DECR2: variants seen among roughly 807,000 people sequenced by gnomAD.
DECR2 encodes peroxisomal 2,4-dienoyl-CoA reductase [(3E)-enoyl-CoA-producing].
In DECR2, 34 loss-of-function variants were observed where a neutral mutation model predicts 29.2. The ratio of observed to expected loss-of-function variants is 1.16; its 90% confidence interval spans 0.89 to 1.55. The LOEUF (loss-of-function observed/expected upper bound fraction) is 1.55, where lower values mean the gene tolerates loss of function less well. Ranked by LOEUF, DECR2 falls within the 40% of genes most tolerant of loss-of-function variation. The pLI is 0.00. For synonymous variants in DECR2, 224 were observed against 182.7 expected (o/e 1.23, Z -1.82); for missense variants, 485 against 425.3 (o/e 1.14, Z -1.23).
chr16:409,503 T>A (rs1181745652), intron 4 of DECR2: 1 of 152,218 alleles, frequency 6.6e-6, no homozygotes, highest in South Asian at 2.1e-4. Context: ...TTTAGGTTTA[T>A]AGAATAATTA....
rs892342917 is a variant in DECR2, at chr16:401,929, C to T, written c.-35C>T. 20 of 1,473,026 alleles carry T rather than the reference C, an allele frequency of 1.4e-5. No homozygotes were observed. Among genetic ancestry groups the T allele is most frequent in the Middle Eastern group, 2.2e-4 (1 of 4,474 alleles). 91.2% of individuals were successfully genotyped at this position (1,473,026 alleles called of 1,614,324 possible). On this transcript the variant is annotated 5_prime_UTR_variant, in exon 1 of 9. Transcript: ENST00000219481. The stretch of plus-strand genomic sequence containing the variant: ...GGGTCCTGGAGGCCGAGGCCGCTCC[C>T]GCCCGTTGTCCCCGCAGTCCCCGAC...
intron 3 of DECR2, chr16:406,731 C>T: frequency 3.3e-6 from 2 of 608,162 alleles, no homozygotes; most frequent in South Asian, 1.9e-5. Context: ...AATTCCTGAC[C>T]TCAGGTGATC....
At position 411,349 on chromosome 16, in the gene DECR2, G is replaced by A. The variant is rs1484391359; in HGVS notation, c.662-12G>A. The A allele has an allele frequency of 4.4e-6, 7 of 1,599,808 alleles. No homozygotes were observed. Among genetic ancestry groups the A allele is most frequent in the African/African-American group, 1.3e-5 (1 of 74,824 alleles). On this transcript the variant is annotated splice_polypyrimidine_tract_variant and intron_variant, in intron 7 of 8. Transcript: ENST00000219481. ...GGGGCTCACGGGGCCTGAGCCTTCT[G>A]CTGCCCTCCAGGTGGCCCTCAGGCC... is the stretch of plus-strand genomic sequence containing the variant.
Position 410,014 on chromosome 16 carries a change from G to A in DECR2, c.338-229G>A. ...TTTCCAAACAAGGCCACAGTCGCAG[G>A]TACGGAGCCAGGGCTTCAGCATGTC... On this transcript the variant is annotated intron_variant, in intron 4 of 8. Transcript: ENST00000219481. The surrounding 1 kb of genome is among the most constrained non-coding windows in gnomAD (Gnocchi z 4.1). The A allele has an allele frequency of 3.5e-6, 2 of 567,510 alleles. No homozygotes were observed. The highest frequency in any genetic ancestry group is 6.1e-6 in the Non-Finnish European group (2 of 326,112). The allele number at this position is 567,510 out of a possible 1,614,324, so 35.2% of individuals were successfully genotyped here.
Position 410,991 on chromosome 16 carries a change from G to C in DECR2, c.576G>C (p.Leu192Phe), listed in dbSNP as rs1157480931. The change falls in exon 7 of 9, where the codon TTG becomes TTC. Residue 192 changes from leucine (L) to phenylalanine (F), a missense_variant. Coordinates refer to ENST00000219481, the MANE Select transcript of DECR2 (RefSeq NM_020664.4). This position sits in a 1 kb window ranked among gnomAD's most constrained non-coding sequence, Gnocchi z 4.1. ...GTGCAGACGCGATGACGCGGCACTT[G>C]GCTGTGGAGTGGGGTCCCCAAAACA... Reference protein sequence around the residue: ...KAAVDAMTRHLAVEWGPQNIR... With the variant: ...KAAVDAMTRHFAVEWGPQNIR... 1.9e-6 allele frequency: 3 copies of C among 1,602,718 alleles called. No individual in the cohort carries two copies. Among genetic ancestry groups the C allele is most frequent in the East Asian group, 4.5e-5 (2 of 44,392 alleles).
Position 407,434 on chromosome 16 carries a change from A to T in DECR2, c.211A>T (p.Lys71Ter). 1 of 1,608,346 alleles carries T rather than the reference A, an allele frequency of 6.2e-7. No homozygotes were observed. The highest frequency in any genetic ancestry group is 1.1e-5 in the South Asian group (1 of 90,928). ...SLPRVLTAAR[K>*]LAGATGRRCL... ...TTTACCTGGCTTCTAGGCCGCCAGG[A>T]AGCTGGCTGGGGCCACCGGCCGGCG... The change falls in exon 4 of 9, where the codon AAG becomes TAG. Residue 71 changes from lysine to a stop codon, truncating the protein, a stop_gained. Transcript: ENST00000219481. LOFTEE classifies it high-confidence loss of function.
chr16:402,425 G>A (rs2054678538), intron 1 of DECR2, among the ~76,000 whole-genome samples: 1 of 151,874 alleles, frequency 6.6e-6, no homozygotes, highest in Admixed American at 6.6e-5. Flanking sequence ...GTGAGCCACC[G>A]CGCCCGGCCC....
rs753683419 is a variant in DECR2, at chr16:411,478, T to C, written c.779T>C (p.Val260Ala). ...CTGGCCAGCCCTCTGGCTTCCTACG[T>C]GACGGGGGCCGTGCTGGTGGCCGAT... ...LYLASPLASY[V>A]TGAVLVADGG... The change falls in exon 8 of 9, where the codon GTG becomes GCG. Residue 260 changes from valine (V) to alanine (A), a missense_variant. Val to Ala is a moderately conservative substitution (Grantham distance 64). Coordinates refer to ENST00000219481, the MANE Select transcript of DECR2 (RefSeq NM_020664.4). 6.8e-6 allele frequency: 11 copies of C among 1,613,838 alleles called. No individual in the cohort carries two copies. The South Asian group carries it at 1.2e-4, about 18-fold the overall frequency.
In DECR2 at chr16:411,886, G is replaced by A. The variant is rs1011188036; in HGVS notation, c.*1-4G>A. The stretch of plus-strand genomic sequence containing the variant: ...CCGGCTACTAAGTTCTGAAACTCCT[G>A]CAGGAATCTTCCGGCCGCTGCTTCC... On this transcript the variant is annotated splice_region_variant and splice_polypyrimidine_tract_variant and intron_variant, in intron 8 of 8. Transcript: ENST00000219481. 5.3e-6 allele frequency: 2 copies of A among 376,266 alleles called. No individual in the cohort carries two copies. Among genetic ancestry groups the A allele is most frequent in the Non-Finnish European group, 9.5e-6 (2 of 209,526 alleles). 23.3% of individuals were successfully genotyped at this position (376,266 alleles called of 1,614,324 possible). A position where few individuals can be genotyped will look rare whatever the true frequency, so the allele number is the denominator to read the frequency against.
rs1167868106 is a variant in DECR2, at chr16:410,611, C to T, written c.463-80C>T. On this transcript the variant is annotated intron_variant, in intron 5 of 8. Coordinates refer to ENST00000219481, the MANE Select transcript of DECR2 (RefSeq NM_020664.4). The surrounding 1 kb of genome is among the most constrained non-coding windows in gnomAD (Gnocchi z 4.1). ...CGCCCGCTCCCTGCCCCGGGCCTCCCCCTGACAGCCACCCGCTCACTGTCC... is the reference window on the plus strand; with the variant it reads ...CGCCCGCTCCCTGCCCCGGGCCTCCTCCTGACAGCCACCCGCTCACTGTCC... The T allele has an allele frequency of 9.7e-6, 14 of 1,436,658 alleles. No individual in the cohort carries two copies. The African/African-American group carries it at 2.0e-4, about 20-fold the overall frequency. The allele number at this position is 1,436,658 out of a possible 1,614,324, so 89.0% of individuals were successfully genotyped here. A position where few individuals can be genotyped will look rare whatever the true frequency, so the allele number is the denominator to read the frequency against.
intron 1 of DECR2, 78 bp from the exon 2 acceptor site, chr16:404,878 T>C: frequency 6.9e-7 from 1 of 1,447,876 alleles, no homozygotes; most frequent in Non-Finnish European, 9.7e-7. Context: ...CCCACCCACC[T>C]TGGCCTTCCA....
Position 402,023 on chromosome 16 carries a change from C to A in DECR2, c.60C>A (p.Leu20=). Residue 20 remains leucine, a synonymous_variant, in exon 1 of 9, where the codon CTC becomes CTA. Coordinates refer to ENST00000219481, the MANE Select transcript of DECR2 (RefSeq NM_020664.4). ...GDDCLPAYRH[L]FCPDLLRDKV... is the part of the protein sequence containing the mutation. ...ACTGTCTCCCCGCGTACCGCCACCT[C>A]TTCTGCCCGGACCTGCTGCGGTGAG... 4 of 1,484,912 alleles carry A rather than the reference C, an allele frequency of 2.7e-6. No individual in the cohort carries two copies. The highest frequency in any genetic ancestry group is 1.8e-4 in the Middle Eastern group (1 of 5,440). 92.0% of individuals were successfully genotyped at this position (1,484,912 alleles called of 1,614,324 possible). A position where few individuals can be genotyped will look rare whatever the true frequency, so the allele number is the denominator to read the frequency against.
Position 410,793 on chromosome 16 carries a change from A to ACCCCCCCCCCCCCCCCCCCC in DECR2, c.556+18_556+19insCCCCCCCCCCCCCCCCCCCC, listed in dbSNP as rs35431910. The ACCCCCCCCCCCCCCCCCCCC allele has an allele frequency of 7.1e-7, 1 of 1,414,018 alleles. No individual in the cohort carries two copies. The highest frequency in any genetic ancestry group is 1.5e-5 in the African/African-American group (1 of 67,604). The allele number at this position is 1,414,018 out of a possible 1,614,324, so 87.6% of individuals were successfully genotyped here. A position where few individuals can be genotyped will look rare whatever the true frequency, so the allele number is the denominator to read the frequency against. ...CGCCAAGGCCGCTGTGGGTATGACCACCCCCCCCCGCCCAGGTTTGCCCAC... is the reference window on the plus strand; with the variant it reads ...CGCCAAGGCCGCTGTGGGTATGACCACCCCCCCCCCCCCCCCCCCCCCCCCCCCCGCCCAGGTTTGCCCAC... On this transcript the variant is annotated intron_variant, in intron 6 of 8. Coordinates refer to ENST00000219481, the MANE Select transcript of DECR2 (RefSeq NM_020664.4). This position sits in a 1 kb window ranked among gnomAD's most constrained non-coding sequence, Gnocchi z 4.1.
intron 4 of DECR2, chr16:409,855 C>G (rs1223268944): frequency 9.7e-6 from 2 of 206,184 alleles, no homozygotes; most frequent in Non-Finnish European, 2.0e-5. Context: ...GCTGCACTGT[C>G]TGCCACTGTC....
At chr16:407,797 CTCT>C (rs2054746771) in intron 4 of DECR2, among the ~76,000 whole-genome samples, 1 of 1,958 alleles carries the variant, frequency 5.1e-4, no homozygotes, top group Non-Finnish European at 1.6e-3. Flanking sequence ...TGTCTCCGGG[CTCT>C]GTCTCCGGGC....
intron 1 of DECR2, among the ~76,000 whole-genome samples, chr16:404,438 C>CTCTACTAAAGAGAGAAA (rs2054701663): frequency 6.6e-6 from 1 of 151,052 alleles, no homozygotes; most frequent in African/African-American, 2.4e-5. Flanking sequence ...CGGGGTTTCT[C>CTCTACTAAAGAGAGAAA]CATGTTGGTC....
At chr16:411,659 A>T in intron 8 of DECR2, 81 bp downstream of exon 8, 1 of 1,466,536 alleles carries the variant, frequency 6.8e-7, no homozygotes, top group Non-Finnish European at 9.2e-7. Context: ...TGCGGGACCC[A>T]CGGGGCTGGC....
Position 411,403 on chromosome 16 carries a change from C to T in DECR2, c.704C>T (p.Pro235Leu), listed in dbSNP as rs779186109. Residue 235 changes from proline to leucine, a missense_variant, in exon 8 of 9, where the codon CCG becomes CTG. Physicochemically the swap from Pro to Leu is moderately conservative, Grantham distance 98. Coordinates refer to ENST00000219481, the MANE Select transcript of DECR2 (RefSeq NM_020664.4). ...ASLSTKVTAS[P>L]LQRLGNKTEI... ...CTGAGCACCAAGGTCACTGCCAGCC[C>T]GCTGCAGAGGCTGGGGAACAAGACC... 37 of 1,612,394 alleles carry T rather than the reference C, an allele frequency of 2.3e-5. No individual in the cohort carries two copies. The highest frequency in any genetic ancestry group is 5.0e-5 in the Admixed American group (3 of 60,000).
Position 410,325 on chromosome 16 carries a change from C to A in DECR2, c.420C>A (p.Gly140=). 6.2e-7 allele frequency: 1 copy of A among 1,613,298 alleles called. No individual in the cohort carries two copies. Among genetic ancestry groups the A allele is most frequent in the Non-Finnish European group, 8.5e-7 (1 of 1,179,654 alleles). The part of the protein sequence containing the change: ...FKTVMDIDTS[G]TFNVSRVLYE... ...CCGTGATGGACATCGATACCAGCGGCACCTTCAATGTGTCTCGTGTGCTCT... is the reference window on the plus strand; with the variant it reads ...CCGTGATGGACATCGATACCAGCGGAACCTTCAATGTGTCTCGTGTGCTCT... The change falls in exon 5 of 9, where the codon GGC becomes GGA. Residue 140 remains glycine (G), a synonymous_variant. Coordinates refer to ENST00000219481, the MANE Select transcript of DECR2 (RefSeq NM_020664.4). This position sits in a 1 kb window ranked among gnomAD's most constrained non-coding sequence, Gnocchi z 4.1.
Sources: allele counts gnomAD v4.1 joint callset (sites outside exome capture counted in the v4.1 genomes callset), GRCh38; gene constraint gnomAD v4.1.1; non-coding constraint Gnocchi (gnomAD v3.1); transcripts MANE v1.5; gene names NCBI Gene and HGNC (gene_info 2026-07-23, HGNC 2026-07-21).